Variants in ARHGAP25 observed in about 807,000 individuals in gnomAD.
ARHGAP25 encodes rho GTPase-activating protein 25.
A neutral mutation model predicts 71.0 loss-of-function variants in ARHGAP25; 34 were observed. The observed-to-expected ratio is 0.48, with a 90% CI of 0.36 to 0.64. The LOEUF (loss-of-function observed/expected upper bound fraction) is 0.64. Ranked by LOEUF, ARHGAP25 falls within the 30% of genes least tolerant of loss-of-function variation. The pLI is 0.00. For synonymous variants in ARHGAP25, 282 were observed against 296.5 expected (o/e 0.95, Z 0.50); for missense variants, 706 against 805.1 (o/e 0.88, Z 1.49).
At chr2:68,822,932 A>T (rs956889054) in intron 10 of ARHGAP25, 60 bp downstream of exon 10, 2 of 1,488,710 alleles carry the variant, frequency 1.3e-6, no homozygotes, top group Non-Finnish European at 1.8e-6. Context: ...GACAAGAGGG[A>T]TTGTTCCCAT....
At chr2:68,790,320 T>A (rs1450915458) in intron 4 of ARHGAP25, among the ~76,000 whole-genome samples, 2 of 152,244 alleles carry the variant, frequency 1.3e-5, no homozygotes, top group East Asian at 3.9e-4. Context: ...AAATCATAGA[T>A]CCCGGAATGT....
At position 68,810,172 on chromosome 2, in the gene ARHGAP25, G is replaced by A. The variant is rs1680680815; in HGVS notation, c.674+2692G>A. Among the ~76,000 whole-genome samples, 5 of 150,860 alleles carry A rather than the reference G, an allele frequency of 3.3e-5. No individual in the cohort carries two copies. In the South Asian group the frequency reaches 1.0e-3, roughly 32 times the overall value. On this transcript the variant is annotated intron_variant, in intron 5 of 10. Transcript: ENST00000409202. ...AGAATCATTTAAGGGTGCTCTATTGGGTTAGAGGAACAGCAAACTCAGAAA... is the reference window on the plus strand; with the variant it reads ...AGAATCATTTAAGGGTGCTCTATTGAGTTAGAGGAACAGCAAACTCAGAAA...
rs113372704 is a variant in ARHGAP25 at position 68,805,595 on chromosome 2, G to A, written c.467-1678G>A. Among the ~76,000 whole-genome samples, 884 of 152,176 alleles carry A rather than the reference G, an allele frequency of 5.8e-3. 8 individuals are homozygous for A. Among genetic ancestry groups the A allele is most frequent in the African/African-American group, 0.02 (828 of 41,494 alleles). On this transcript the variant is annotated intron_variant, in intron 4 of 10. Transcript: ENST00000409202. ...GGCGCTCAAGCAGAATGATGCTTTA[G>A]AAAGGCAAGCAGCAGGAGGGTTTCG...
At chr2:68,761,432 CAACA>C (rs1676811531) in intron 1 of ARHGAP25, among the ~76,000 whole-genome samples, 1 of 150,712 alleles carries the variant, frequency 6.6e-6, no homozygotes, top group African/African-American at 2.5e-5. Flanking sequence ...AAGATACTAC[CAACA>C]GAGTAAAAAA....
In ARHGAP25 at chr2:68,784,451, T is replaced by C. The variant is rs150682910; in HGVS notation, c.349+2131T>C. Among the ~76,000 whole-genome samples the C allele has an allele frequency of 3.3e-3, 509 of 152,304 alleles. 4 individuals are homozygous for C. The highest frequency in any genetic ancestry group is 5.0e-3 in the Non-Finnish European group (341 of 68,012). On this transcript the variant is annotated intron_variant, in intron 3 of 10. Coordinates refer to ENST00000409202, the MANE Select transcript of ARHGAP25 (RefSeq NM_001007231.3). ...ATCCTCTCTCTGTGATCACCAGTTT[T>C]AGTTGCACAAACGTCACATAGAAAC...
intron 2 of ARHGAP25, among the ~76,000 whole-genome samples, chr2:68,720,426 G>A (rs551572138): frequency 1.3e-5 from 2 of 151,064 alleles, no homozygotes; most frequent in African/African-American, 4.9e-5. Context: ...TCTTAATTAT[G>A]TAGCCATTAT....
intron 4 of ARHGAP25, among the ~76,000 whole-genome samples, chr2:68,801,313 G>C (rs540245489): frequency 6.6e-6 from 1 of 152,238 alleles, no homozygotes; most frequent in Admixed American, 6.5e-5. Context: ...GAGGGAGGGA[G>C]GCCCTGGGAC....
At chr2:68,723,318 GCCT>G (rs1674809441) in intron 2 of ARHGAP25, among the ~76,000 whole-genome samples, 1 of 152,200 alleles carries the variant, frequency 6.6e-6, no homozygotes, top group Admixed American at 6.5e-5. Flanking sequence ...GGGGCAGGGA[GCCT>G]ATAAAGTTAG....
At chr2:68,738,783 T>A (rs1197334154) in intron 1 of ARHGAP25, among the ~76,000 whole-genome samples, 2 of 147,036 alleles carry the variant, frequency 1.4e-5, no homozygotes, top group African/African-American at 5.1e-5. Context: ...ATCATGCCAC[T>A]GCACTCCAGC....
chr2:68,719,710 C>G (rs1428595708), intron 2 of ARHGAP25, among the ~76,000 whole-genome samples: 3 of 151,928 alleles, frequency 2.0e-5, no homozygotes, highest in African/African-American at 7.3e-5. Flanking sequence ...CTGCTATGAC[C>G]CAGGCACTTT....
intron 10 of ARHGAP25, among the ~76,000 whole-genome samples, chr2:68,823,481 G>A (rs1268828049): frequency 6.6e-6 from 1 of 152,206 alleles, no homozygotes; most frequent in Non-Finnish European, 1.5e-5. Flanking sequence ...GTAAGTAAAG[G>A]CCTGAAGGAG....
At chr2:68,799,937 C>G (rs1679849321) in intron 4 of ARHGAP25, among the ~76,000 whole-genome samples, 2 of 152,184 alleles carry the variant, frequency 1.3e-5, no homozygotes, top group African/African-American at 4.8e-5. Context: ...CCTGCCATGC[C>G]TCACATCCCC....
chr2:68,802,960 CACACACATATATACACATATATAT>C (rs1296994424), intron 4 of ARHGAP25, among the ~76,000 whole-genome samples: 1 of 133,802 alleles, frequency 7.5e-6, no homozygotes. Context: ...TATATATATA[CACACACATATATACACATATATAT>C]ACACACATAT....
chr2:68,720,897 C>T (rs1252830347), intron 2 of ARHGAP25, among the ~76,000 whole-genome samples: 1 of 152,196 alleles, frequency 6.6e-6, no homozygotes, highest in African/African-American at 2.4e-5. Context: ...TCACCACCCT[C>T]AGCATGTCAC....
At chr2:68,743,298 G>A (rs1235622858) in intron 1 of ARHGAP25, among the ~76,000 whole-genome samples, 3 of 112,536 alleles carry the variant, frequency 2.7e-5, no homozygotes, top group Non-Finnish European at 3.9e-5. Context: ...GGCTTCAGGG[G>A]CTCAGTGTTT....
chr2:68,826,151 A>T lies in ARHGAP25; in HGVS notation c.1898A>T (p.Lys633Met). 6.2e-7 allele frequency: 1 copy of T among 1,614,174 alleles called. No individual in the cohort carries two copies. Residue 633 changes from lysine to methionine, a missense_variant, in exon 11 of 11, where the codon AAG (lysine) becomes ATG (methionine). Coordinates refer to ENST00000409202, the MANE Select transcript of ARHGAP25 (RefSeq NM_001007231.3). ...AACAAGGCCTTGGAAGAAGAAGTCA[A>T]GGAATTTGTCAAATCCATGAAGGAA... ...KRNKALEEEV[K>M]EFVKSMKEPK...
At chr2:68,746,044 A>G (rs367734891) in intron 1 of ARHGAP25, among the ~76,000 whole-genome samples, 13 of 152,196 alleles carry the variant, frequency 8.5e-5, no homozygotes, top group African/African-American at 2.2e-4. Flanking sequence ...ATACCTCTTA[A>G]TACTGTTGCA....
Position 68,734,965 on chromosome 2 carries a change from G to A in ARHGAP25, c.-235G>A. ...GCTAGCCCCTGTGGGACTGAGGGTG[G>A]AGGCTGGGGGAGTTTGGGTGCCATC... On this transcript the variant is annotated 5_prime_UTR_variant, in exon 1 of 11. Coordinates refer to ENST00000409202, the MANE Select transcript of ARHGAP25 (RefSeq NM_001007231.3). The A allele has an allele frequency of 1.7e-6, 1 of 587,724 alleles. No homozygotes were observed. The highest frequency in any genetic ancestry group is 3.1e-5 in the Admixed American group (1 of 32,410). The allele number at this position is 587,724 out of a possible 1,614,324, so 36.4% of individuals were successfully genotyped here. A position where few individuals can be genotyped will look rare whatever the true frequency, so the allele number is the denominator to read the frequency against.
intron 3 of ARHGAP25, 91 bp from the exon 4 acceptor site, chr2:68,787,749 G>A (rs1161658875): frequency 1.0e-6 from 1 of 986,258 alleles, no homozygotes; most frequent in Non-Finnish European, 1.6e-6. Flanking sequence ...ATTGAACCAA[G>A]ACATCAATTT....
Sources: gnomAD v4.1 joint callset for allele counts (sites outside exome capture counted in the v4.1 genomes callset) on GRCh38, gnomAD v4.1.1 for gene constraint, MANE v1.5 for transcripts, NCBI Gene and HGNC (gene_info 2026-07-23, HGNC 2026-07-21) for gene names.